WDSUB1: variants seen among roughly 807,000 people sequenced by gnomAD.
The protein encoded by WDSUB1 is WD repeat, sterile alpha motif and U-box domain containing 1.
WDSUB1 carries 49 observed loss-of-function variants against 53.9 expected under a neutral mutation model. The ratio of observed to expected loss-of-function variants is 0.91; its 90% confidence interval spans 0.72 to 1.15. The LOEUF (loss-of-function observed/expected upper bound fraction) is 1.15, where lower values mean the gene tolerates loss of function less well. Ranked by LOEUF, WDSUB1 falls within the 50% of genes most tolerant of loss-of-function variation. The pLI, the probability that WDSUB1 is intolerant of heterozygous loss-of-function variation, is 0.00. For missense variants in WDSUB1, 514 were observed against 562.0 expected (o/e 0.91, Z 0.86); for synonymous variants, 194 against 200.6 (o/e 0.97, Z 0.28).
chr2:159,275,617 A>C lies in WDSUB1; in HGVS notation c.605T>G (p.Phe202Cys). ...PVSDGEQGLQ[F>C]FRLASCGQDC... ...CTGACCACATGATGCCAGTCGAAAA[A>C]ACTGAAGACCTTGTTCTCCATCTAA... Residue 202 changes from phenylalanine (F) to cysteine (C), a missense_variant, in exon 4 of 11, where the codon TTT (phenylalanine) becomes TGT (cysteine). By Grantham distance (205) the Phe-to-Cys change is radical. Transcript: ENST00000359774. 6.2e-7 allele frequency: 1 copy of C among 1,604,480 alleles called. No individual in the cohort carries two copies. The highest frequency in any genetic ancestry group is 8.5e-7 in the Non-Finnish European group (1 of 1,177,530).
intron 10 of WDSUB1, among the ~76,000 whole-genome samples, chr2:159,247,267 A>G (rs1364692839): frequency 6.6e-6 from 1 of 152,240 alleles, no homozygotes; most frequent in East Asian, 1.9e-4. Context: ...AAGACACTAC[A>G]TAATTAGTTC....
Position 159,271,712 on chromosome 2 carries a change from G to A in WDSUB1, c.760C>T (p.Leu254=), listed in dbSNP as rs1335844256. 2 of 1,613,862 alleles carry A rather than the reference G, an allele frequency of 1.2e-6. No individual in the cohort carries two copies. Among genetic ancestry groups the A allele is most frequent in the Middle Eastern group, 1.6e-4 (1 of 6,062 alleles). The change falls in exon 5 of 11, where the codon CTA becomes TTA. Residue 254 remains leucine (L), a synonymous_variant. Coordinates refer to ENST00000359774, the MANE Select transcript of WDSUB1 (RefSeq NM_001128212.3). ...ACAFSHDGQM[L]VSGSVDKSVI... ...AACCAACTAGCTTACCCTGAGACTA[G>A]CATCTGCCCATCATGGGAAAAAGCA...
rs1050015120 is a variant in WDSUB1, at chr2:159,236,337, ATCTC to A, written c.1274-151_1274-148del. 3.0e-5 allele frequency: 24 copies of A among 795,198 alleles called. No individual in the cohort carries two copies. The East Asian group carries it at 6.2e-4, about 21-fold the overall frequency. The allele number at this position is 795,198 out of a possible 1,614,324, so 49.3% of individuals were successfully genotyped here. A position where few individuals can be genotyped will look rare whatever the true frequency, so the allele number is the denominator to read the frequency against. ...CTTGCTTGTACCAGCACCCCCAAAA[ATCTC>A]TCTGCCACAACACCTGAAATGCATT... On this transcript the variant is annotated intron_variant, in intron 10 of 10. Coordinates refer to ENST00000359774, the MANE Select transcript of WDSUB1 (RefSeq NM_001128212.3).
intron 10 of WDSUB1, among the ~76,000 whole-genome samples, chr2:159,241,222 C>T (rs2060637242): frequency 6.6e-6 from 1 of 152,188 alleles, no homozygotes; most frequent in African/African-American, 2.4e-5. Flanking sequence ...GCAGGGCAGG[C>T]ATTTCTACTC....
In WDSUB1 at chr2:159,242,461, G is replaced by A. The variant is rs1013644182; in HGVS notation, c.1273+5911C>T. ...AGATCACCTGAGGTTGGGAGATCGA[G>A]ACCATCCTGGCTAACAAGGTGAAAC... On this transcript the variant is annotated intron_variant, in intron 10 of 10. Coordinates refer to ENST00000359774, the MANE Select transcript of WDSUB1 (RefSeq NM_001128212.3). Among the ~76,000 whole-genome samples, 5 of 146,560 alleles carry A rather than the reference G, an allele frequency of 3.4e-5. 2 individuals are homozygous for A. Among genetic ancestry groups the A allele is most frequent in the African/African-American group, 1.3e-4 (5 of 37,338 alleles).
intron 9 of WDSUB1, 122 bp downstream of exon 9, chr2:159,256,071 CAAG>C (rs144768402): frequency 0.043 from 36,597 of 855,450 alleles, 2,502 homozygotes; most frequent in East Asian, 0.22. Flanking sequence ...TGGCCATAAT[CAAG>C]AAGATGGGTC....
chr2:159,247,921 A>G (rs1163357756), intron 10 of WDSUB1, among the ~76,000 whole-genome samples: 123 of 74,916 alleles, frequency 1.6e-3, no homozygotes, highest in African/African-American at 9.9e-3. Flanking sequence ...ATATATATAT[A>G]TATATAAATA....
intron 10 of WDSUB1, among the ~76,000 whole-genome samples, chr2:159,237,995 T>C (rs2060532837): frequency 6.6e-6 from 1 of 152,186 alleles, no homozygotes; most frequent in Non-Finnish European, 1.5e-5. Flanking sequence ...CTGCTAGCAA[T>C]GTTTATGAGA....
At chr2:159,266,694 A>C in intron 5 of WDSUB1, among the ~76,000 whole-genome samples, 1 of 152,352 alleles carries the variant, frequency 6.6e-6, no homozygotes, top group East Asian at 1.9e-4. Flanking sequence ...GAATTGCTTT[A>C]GAAGTTTCAG....
At chr2:159,268,134 A>G (rs1575476911) in intron 5 of WDSUB1, among the ~76,000 whole-genome samples, 2 of 152,246 alleles carry the variant, frequency 1.3e-5, no homozygotes, top group East Asian at 1.9e-4. Flanking sequence ...CACTTCCTCC[A>G]TGACTCAGAG....
At chr2:159,256,404 T>G (rs1358829333) in intron 8 of WDSUB1, 29 bp from the exon 9 acceptor site, 1 of 1,572,922 alleles carries the variant, frequency 6.4e-7, no homozygotes, top group Non-Finnish European at 8.6e-7. Context: ...GTAAGTGAGA[T>G]AACAAAAAAG....
intron 6 of WDSUB1, 41 bp from the exon 7 acceptor site, chr2:159,258,026 G>A (rs1240925839): frequency 1.3e-6 from 2 of 1,578,178 alleles, no homozygotes; most frequent in East Asian, 2.2e-5. Context: ...ACTCAAGTAA[G>A]AGTAAAGTTA....
At chr2:159,244,315 T>G (rs987688653) in intron 10 of WDSUB1, among the ~76,000 whole-genome samples, 2 of 152,048 alleles carry the variant, frequency 1.3e-5, no homozygotes, top group South Asian at 4.1e-4. Flanking sequence ...TCTATTAAGC[T>G]TCTATTAAAA....
intron 10 of WDSUB1, among the ~76,000 whole-genome samples, chr2:159,239,448 G>A (rs1428447259): frequency 6.6e-6 from 1 of 151,948 alleles, no homozygotes; most frequent in South Asian, 2.1e-4. Context: ...CTATTCTTTT[G>A]GGCTTTCTAC....
chr2:159,274,237 C>A (rs2061496295), intron 4 of WDSUB1, among the ~76,000 whole-genome samples: 1 of 152,158 alleles, frequency 6.6e-6, no homozygotes, highest in South Asian at 2.1e-4. Flanking sequence ...AGCGCAGTGG[C>A]CCACGCCTGT....
At chr2:159,271,167 G>T (rs1026264189) in intron 5 of WDSUB1, among the ~76,000 whole-genome samples, 10 of 152,142 alleles carry the variant, frequency 6.6e-5, no homozygotes, top group Non-Finnish European at 1.2e-4. Flanking sequence ...AGTTGAAAAT[G>T]CACGTATTCT....
intron 5 of WDSUB1, among the ~76,000 whole-genome samples, chr2:159,260,436 T>A (rs2061164584): frequency 1.3e-5 from 2 of 152,216 alleles, no homozygotes; most frequent in South Asian, 4.1e-4. Flanking sequence ...CACGACTCTA[T>A]AACAAGTTAG....
rs533159353 is a variant in WDSUB1 at position 159,238,884 on chromosome 2, A to G, written c.1274-2694T>C. ...GAAATGGAGAAAGCTGATATCCCGC[A>G]GCCACTGAGTCTTCCTACCCCTCAG... On this transcript the variant is annotated intron_variant, in intron 10 of 10. Transcript: ENST00000359774. Among the ~76,000 whole-genome samples, 66 of 152,212 alleles carry G rather than the reference A, an allele frequency of 4.3e-4. 2 individuals are homozygous for G. The highest frequency in any genetic ancestry group is 3.3e-4 in the Admixed American group (5 of 15,278).
At position 159,248,385 on chromosome 2, in the gene WDSUB1, C is replaced by T. The variant is rs73004952; in HGVS notation, c.1260G>A (p.Pro420=). 37 of 1,611,060 alleles carry T rather than the reference C, an allele frequency of 2.3e-5. No individual in the cohort carries two copies. Among genetic ancestry groups the T allele is most frequent in the East Asian group, 9.0e-5 (4 of 44,654 alleles). Reference sequence around the variant, plus strand: ...CATCACACATACCTGATGCGATGACCGGATCTTTCATAAGTTCTCTAGTTA... The same window carrying T: ...CATCACACATACCTGATGCGATGACTGGATCTTTCATAAGTTCTCTAGTTA... ...CPITRELMKD[P]VIASDGYSYE... is the part of the protein sequence containing the mutation. The change falls in exon 10 of 11, where the codon CCG becomes CCA. Residue 420 remains proline (P), a synonymous_variant. Transcript: ENST00000359774.
Sources: gnomAD v4.1 joint callset for allele counts (sites outside exome capture counted in the v4.1 genomes callset) on GRCh38, gnomAD v4.1.1 for gene constraint, MANE v1.5 for transcripts, NCBI Gene and HGNC (gene_info 2026-07-23, HGNC 2026-07-21) for gene names.